The following ITGA9 variants were observed in gnomAD, a reference collection of about 807,000 sequenced individuals.
ITGA9 encodes the protein integrin alpha-9.
ITGA9 carries 56 observed loss-of-function variants against 127.8 expected under a neutral mutation model. That is an observed-to-expected ratio of 0.44 (90% confidence interval 0.35 to 0.55). The LOEUF is 0.55. Among genes scored for constraint, ITGA9 ranks in the 20% least tolerant of loss-of-function variants. The pLI is 0.00. For missense variants in ITGA9, 1,196 were observed against 1,347.1 expected, an observed-to-expected ratio of 0.89 and a Z score of 1.76; for synonymous variants, 508 against 514.5, an observed-to-expected ratio of 0.99 and a Z score of 0.17.
At chr3:37,469,818 C>T (rs1698409157) in intron 1 of ITGA9, among the ~76,000 whole-genome samples, 1 of 152,078 alleles carries the variant, frequency 6.6e-6, no homozygotes, top group Non-Finnish European at 1.5e-5. Context: ...GTTTTTGAGA[C>T]AGAGTCTCAC....
intron 11 of ITGA9, among the ~76,000 whole-genome samples, chr3:37,522,117 G>A (rs914064873): frequency 1.3e-5 from 2 of 152,056 alleles, no homozygotes; most frequent in African/African-American, 4.8e-5. Flanking sequence ...AGAAGGATAA[G>A]GAAAGAAAGT....
chr3:37,560,395 A>G (rs1022758417), intron 15 of ITGA9, among the ~76,000 whole-genome samples: 2 of 152,212 alleles, frequency 1.3e-5, no homozygotes, highest in African/African-American at 2.4e-5. Flanking sequence ...TATTGTGAAG[A>G]GTGCTCCAAT....
chr3:37,802,692 GACAAT>G (rs1288869871), intron 26 of ITGA9, among the ~76,000 whole-genome samples: 4 of 152,168 alleles, frequency 2.6e-5, no homozygotes, highest in Non-Finnish European at 4.4e-5. Context: ...AGCCGAAGGG[GACAAT>G]CAGAAGTGAG....
chr3:37,562,182 C>T (rs1215613760), intron 15 of ITGA9, among the ~76,000 whole-genome samples: 2 of 152,128 alleles, frequency 1.3e-5, no homozygotes, highest in East Asian at 1.9e-4. Flanking sequence ...GCCCATCCAG[C>T]GTTGGATGGC....
chr3:37,685,294 G>A (rs568426040), intron 18 of ITGA9, among the ~76,000 whole-genome samples: 3 of 152,262 alleles, frequency 2.0e-5, no homozygotes, highest in African/African-American at 7.2e-5. Flanking sequence ...AACAGTAGAG[G>A]CACTCCAAAA....
At chr3:37,566,990 A>C (rs900837722) in intron 15 of ITGA9, among the ~76,000 whole-genome samples, 1 of 152,126 alleles carries the variant, frequency 6.6e-6, no homozygotes, top group South Asian at 2.1e-4. Flanking sequence ...TTCTGCTTTC[A>C]TTAGTTTGAG....
At chr3:37,585,027 C>T (rs1453983170) in intron 15 of ITGA9, among the ~76,000 whole-genome samples, 3 of 152,044 alleles carry the variant, frequency 2.0e-5, no homozygotes, top group African/African-American at 7.2e-5. Context: ...GCCATAGTGA[C>T]CATGGCTCTC....
chr3:37,477,629 T>C (rs1004359735), intron 3 of ITGA9, among the ~76,000 whole-genome samples: 1 of 152,216 alleles, frequency 6.6e-6, no homozygotes, highest in Admixed American at 6.5e-5. Flanking sequence ...GCTTCCTGTG[T>C]GCAGACGACA....
chr3:37,693,342 A>C (rs945401036), intron 18 of ITGA9, among the ~76,000 whole-genome samples: 1 of 152,198 alleles, frequency 6.6e-6, no homozygotes, highest in Admixed American at 6.5e-5. Flanking sequence ...GTTCCAAATT[A>C]AACTGGTCTT....
At chr3:37,485,834 G>A (rs1156473785) in intron 4 of ITGA9, among the ~76,000 whole-genome samples, 1 of 152,176 alleles carries the variant, frequency 6.6e-6, no homozygotes, top group Non-Finnish European at 1.5e-5. Flanking sequence ...AATGAATTTA[G>A]GACATAAACT....
chr3:37,655,517 T>TCTTTCG (rs1700469230), intron 17 of ITGA9, among the ~76,000 whole-genome samples: 1 of 152,246 alleles, frequency 6.6e-6, no homozygotes, highest in Non-Finnish European at 1.5e-5. Context: ...TCTGTTCATA[T>TCTTTCG]CTTTCGCCTA....
In ITGA9 at chr3:37,683,858, G is replaced by A. The variant is rs372970747; in HGVS notation, c.1917-7G>A. On this transcript the variant is annotated splice_polypyrimidine_tract_variant and splice_region_variant and intron_variant, in intron 17 of 27. Coordinates refer to ENST00000264741, the MANE Select transcript of ITGA9 (RefSeq NM_002207.3). ...GGGCATTCATTGCTGTCTATTTTTC[G>A]TTACAGTATGGATGAGAAAACCCTG... is the stretch of plus-strand genomic sequence containing the variant. 115 of 1,613,702 alleles carry A rather than the reference G, an allele frequency of 7.1e-5. No individual in the cohort carries two copies. The East Asian group carries it at 1.7e-3, about 24-fold the overall frequency.
At chr3:37,583,925 T>C (rs1185136254) in intron 15 of ITGA9, among the ~76,000 whole-genome samples, 2 of 152,232 alleles carry the variant, frequency 1.3e-5, no homozygotes, top group Non-Finnish European at 2.9e-5. Flanking sequence ...TTCTGGACAC[T>C]ACTGACCTCT....
At chr3:37,681,547 T>A (rs1314813610) in intron 17 of ITGA9, among the ~76,000 whole-genome samples, 1 of 152,220 alleles carries the variant, frequency 6.6e-6, no homozygotes, top group Non-Finnish European at 1.5e-5. Flanking sequence ...CCCACCTATC[T>A]TGAGATTCCC....
chr3:37,519,390 ACATT>A, intron 11 of ITGA9, 36 bp downstream of exon 11: 1 of 1,501,286 alleles, frequency 6.7e-7, no homozygotes, highest in Non-Finnish European at 9.3e-7. Context: ...AACTGTTCAT[ACATT>A]CATTCAGCAA....
chr3:37,464,698 G>T (rs1158213329), intron 1 of ITGA9, among the ~76,000 whole-genome samples: 1 of 152,200 alleles, frequency 6.6e-6, no homozygotes, highest in Non-Finnish European at 1.5e-5. Flanking sequence ...TTAGAAGCCA[G>T]GTAGAACTAC....
chr3:37,708,404 G>T (rs1273596538), intron 18 of ITGA9, among the ~76,000 whole-genome samples: 5 of 152,234 alleles, frequency 3.3e-5, no homozygotes, highest in Admixed American at 3.3e-4. Flanking sequence ...TCTACCTCGT[G>T]ATGGGAGTAG....
chr3:37,552,784 G>A (rs1189328749), intron 15 of ITGA9, among the ~76,000 whole-genome samples: 1 of 152,130 alleles, frequency 6.6e-6, no homozygotes, highest in Non-Finnish European at 1.5e-5. Flanking sequence ...GGATGCTGAG[G>A]CAGGCAGACC....
At chr3:37,789,628 G>A (rs1697083180) in intron 26 of ITGA9, among the ~76,000 whole-genome samples, 1 of 151,322 alleles carries the variant, frequency 6.6e-6, no homozygotes, top group African/African-American at 2.4e-5. Flanking sequence ...AATGAGCTGG[G>A]TGTGGTGGCG....
Sources: gnomAD v4.1 joint callset for allele counts (sites outside exome capture counted in the v4.1 genomes callset) on GRCh38, gnomAD v4.1.1 for gene constraint, MANE v1.5 for transcripts, NCBI Gene and HGNC (gene_info 2026-07-23, HGNC 2026-07-21) for gene names.